Variants in NCKAP1 observed in about 807,000 individuals in gnomAD.
NCKAP1 encodes nck-associated protein 1.
In NCKAP1, 21 loss-of-function variants were observed where a neutral mutation model predicts 151.2. That is an observed-to-expected ratio of 0.14 (90% confidence interval 0.10 to 0.20). NCKAP1 has a LOEUF of 0.20. Ranked by LOEUF, NCKAP1 falls within the 10% of genes least tolerant of loss-of-function variation. The pLI is 1.00. For missense variants in NCKAP1, 933 were observed against 1,352.1 expected, an observed-to-expected ratio of 0.69 and a Z score of 4.86; for synonymous variants, 484 against 451.8, an observed-to-expected ratio of 1.07 and a Z score of -0.90.
At chr2:182,934,511 A>T in intron 26 of NCKAP1, 1 of 258,070 alleles carries the variant, frequency 3.9e-6, no homozygotes, top group Non-Finnish European at 7.3e-6. Context: ...GGAAAAAAAA[A>T]ATCTATTTTT....
In NCKAP1 at chr2:182,926,899, A is replaced by G; in HGVS notation, c.3187T>C (p.Ser1063Pro). 6.3e-7 allele frequency: 1 copy of G among 1,598,416 alleles called. No individual in the cohort carries two copies. Among genetic ancestry groups the G allele is most frequent in the Non-Finnish European group, 8.6e-7 (1 of 1,169,422 alleles). Residue 1063 changes from serine to proline, a missense_variant, in exon 30 of 31, where the codon TCC becomes CCC. This residue lies in a region of NCKAP1 where 326 missense variants were observed against 557.1 expected (regional missense o/e 0.59). Coordinates refer to ENST00000361354, the MANE Select transcript of NCKAP1 (RefSeq NM_013436.5). The stretch of plus-strand genomic sequence containing the variant: ...TGGCCAATTTTCAGTAGACTGGAGG[A>G]TGCAAGCTTAAAAGTATACATACAC... Reference protein sequence around the residue: ...DRLKEFLALASSSLLKIGQET... With the variant: ...DRLKEFLALAPSSLLKIGQET...
intron 15 of NCKAP1, among the ~76,000 whole-genome samples, chr2:182,968,542 G>A (rs1360256654): frequency 6.6e-6 from 1 of 152,086 alleles, no homozygotes; most frequent in Non-Finnish European, 1.5e-5. Flanking sequence ...TGTCTCCCTT[G>A]GAACAAAGAG....
At chr2:183,028,742 TA>T (rs1009996287) in intron 1 of NCKAP1, among the ~76,000 whole-genome samples, 4 of 152,274 alleles carry the variant, frequency 2.6e-5, no homozygotes, top group South Asian at 2.1e-4. Flanking sequence ...AAGTTCCAAA[TA>T]TTTTTTTAAA....
intron 23 of NCKAP1, among the ~76,000 whole-genome samples, chr2:182,944,393 T>C (rs1697057272): frequency 6.6e-6 from 1 of 152,168 alleles, no homozygotes; most frequent in East Asian, 1.9e-4. Context: ...AAAAATGTCC[T>C]TTAGGATCCC....
intron 24 of NCKAP1, 147 bp downstream of exon 24, chr2:182,941,919 TTGAC>T: frequency 3.4e-6 from 2 of 595,838 alleles, no homozygotes; most frequent in Admixed American, 3.2e-5. Flanking sequence ...ATATGATCCT[TTGAC>T]TGCAAAAATG....
At position 182,912,849 on chromosome 2, in the gene NCKAP1, A is replaced by AAGGAAGGAAGGAAGG. The variant is rs1553507195; in HGVS notation, c.*12852_*12853insCCTTCCTTCCTTCCT. ...CAAAACCAAAGAAAGATAGAGGAAG[A>AAGGAAGGAAGGAAGG]AAGGAAGGAAGGAAGGAAGGAAGGA... On this transcript the variant is annotated 3_prime_UTR_variant, in exon 31 of 31. Transcript: ENST00000361354. The AAGGAAGGAAGGAAGG allele has an allele frequency of 6.0e-5, 8 of 133,472 alleles. No individual in the cohort carries two copies. The highest frequency in any genetic ancestry group is 2.4e-4 in the East Asian group (1 of 4,112). The allele number at this position is 133,472 out of a possible 1,614,324, so 8.3% of individuals were successfully genotyped here. A position where few individuals can be genotyped will look rare whatever the true frequency, so the allele number is the denominator to read the frequency against.
At chr2:182,956,656 T>G (rs913034288) in intron 19 of NCKAP1, 63 bp from the exon 20 acceptor site, 13 of 1,475,664 alleles carry the variant, frequency 8.8e-6, no homozygotes, top group Non-Finnish European at 1.1e-5. Flanking sequence ...CAAAATTAAT[T>G]TTATAAATAT....
Position 182,997,574 on chromosome 2 carries a change from C to T in NCKAP1, c.604-1736G>A, listed in dbSNP as rs558480634. On this transcript the variant is annotated intron_variant, in intron 6 of 30. Transcript: ENST00000361354. ...TGAGAATTCCTCTTGGTATTGACTT[C>T]TATTTTTACTCCAGTATGGTCTGAG... Among the ~76,000 whole-genome samples the T allele has an allele frequency of 2.6e-4, 39 of 152,280 alleles. No individual in the cohort carries two copies. In the East Asian group the frequency reaches 6.6e-3, roughly 26 times the overall value.
chr2:183,024,369 A>G (rs532867903), intron 1 of NCKAP1, among the ~76,000 whole-genome samples: 1 of 152,168 alleles, frequency 6.6e-6, no homozygotes, highest in Non-Finnish European at 1.5e-5. Flanking sequence ...ATTTTAATAC[A>G]AGAGCCCTAG....
intron 23 of NCKAP1, among the ~76,000 whole-genome samples, chr2:182,948,823 C>T (rs1697158286): frequency 6.6e-6 from 1 of 152,182 alleles, no homozygotes; most frequent in East Asian, 1.9e-4. Context: ...TGTGTTCATG[C>T]TATCTTAAAC....
intron 22 of NCKAP1, 56 bp downstream of exon 22, chr2:182,952,737 C>A (rs1697239172): frequency 6.8e-7 from 1 of 1,481,148 alleles, no homozygotes; most frequent in Non-Finnish European, 9.1e-7. Flanking sequence ...AATCAAGACA[C>A]TAGCAAAAGA....
intron 1 of NCKAP1, among the ~76,000 whole-genome samples, chr2:183,029,874 A>T (rs1157730434): frequency 1.3e-5 from 2 of 151,982 alleles, no homozygotes; most frequent in African/African-American, 4.8e-5. Context: ...AAAATAATCA[A>T]GATACAAAAG....
rs1225148851 is a variant in NCKAP1 at position 182,912,127 on chromosome 2, T to G, written c.*13575A>C. 1 of 152,120 alleles carries G rather than the reference T, an allele frequency of 6.6e-6. No individual in the cohort carries two copies. Among genetic ancestry groups the G allele is most frequent in the African/African-American group, 2.4e-5 (1 of 41,440 alleles). 9.4% of individuals were successfully genotyped at this position (152,120 alleles called of 1,614,324 possible). On this transcript the variant is annotated 3_prime_UTR_variant, in exon 31 of 31. Transcript: ENST00000361354. Reference sequence around the variant, plus strand: ...AGGTTGTAATTTTTTTTTCTCAGCATAGGACAGACTGAAAAAGAAAATGAA... The same window carrying G: ...AGGTTGTAATTTTTTTTTCTCAGCAGAGGACAGACTGAAAAAGAAAATGAA...
chr2:183,000,512 C>T (rs1056968063), intron 6 of NCKAP1, among the ~76,000 whole-genome samples: 2 of 152,020 alleles, frequency 1.3e-5, no homozygotes, highest in Admixed American at 6.6e-5. Context: ...AAGACAGTTC[C>T]GGGTGGGGAA....
chr2:182,957,606 GAAAA>G lies in NCKAP1; in HGVS notation c.1882-14_1882-11del. The G allele has an allele frequency of 6.2e-7, 1 of 1,607,986 alleles. No individual in the cohort carries two copies. Among genetic ancestry groups the G allele is most frequent in the Non-Finnish European group, 8.5e-7 (1 of 1,177,954 alleles). On this transcript the variant is annotated splice_polypyrimidine_tract_variant and intron_variant, in intron 18 of 30. Coordinates refer to ENST00000361354, the MANE Select transcript of NCKAP1 (RefSeq NM_013436.5). Reference sequence around the variant, plus strand: ...AATGCTTGGGTAGCAACTAAATTTAGAAAAGAATGAAATCTTACATTACACCAAT... The same window carrying G: ...AATGCTTGGGTAGCAACTAAATTTAGGAATGAAATCTTACATTACACCAAT...
Position 182,926,898 on chromosome 2 carries a change from G to A in NCKAP1, c.3188C>T (p.Ser1063Phe). Reference sequence around the variant, plus strand: ...CTGGCCAATTTTCAGTAGACTGGAGGATGCAAGCTTAAAAGTATACATACA... The same window carrying A: ...CTGGCCAATTTTCAGTAGACTGGAGAATGCAAGCTTAAAAGTATACATACA... ...DRLKEFLALA[S>F]SSLLKIGQET... Residue 1063 changes from serine to phenylalanine, a missense_variant, in exon 30 of 31, where the codon TCC becomes TTC. This residue lies in a region of NCKAP1 where 326 missense variants were observed against 557.1 expected (regional missense o/e 0.59). Transcript: ENST00000361354. The A allele has an allele frequency of 1.3e-6, 2 of 1,598,908 alleles. No individual in the cohort carries two copies. Among genetic ancestry groups the A allele is most frequent in the African/African-American group, 1.3e-5 (1 of 74,432 alleles).
At chr2:182,977,145 C>T (rs777574324) in intron 14 of NCKAP1, among the ~76,000 whole-genome samples, 194 bp from the exon 15 acceptor site, 7 of 152,128 alleles carry the variant, frequency 4.6e-5, no homozygotes, top group Non-Finnish European at 1.0e-4. Flanking sequence ...AAGGTAGAAG[C>T]AACTTAAATT....
chr2:182,974,244 T>C (rs1575040736), intron 15 of NCKAP1, among the ~76,000 whole-genome samples: 1 of 147,410 alleles, frequency 6.8e-6, no homozygotes, highest in Admixed American at 6.8e-5. Flanking sequence ...TTTGTATGCA[T>C]TGTCCTGTTG....
intron 27 of NCKAP1, 100 bp from the exon 28 acceptor site, chr2:182,928,999 A>G: frequency 1.3e-6 from 1 of 766,152 alleles, no homozygotes; most frequent in Non-Finnish European, 2.1e-6. Flanking sequence ...AAAATGGTTT[A>G]CTTTTTTTTT....
Sources: gnomAD v4.1 joint callset for allele counts (sites outside exome capture counted in the v4.1 genomes callset) on GRCh38, gnomAD v4.1.1 for gene constraint, gnomAD v4.1.1 regional missense constraint, MANE v1.5 for transcripts, NCBI Gene and HGNC (gene_info 2026-07-23, HGNC 2026-07-21) for gene names.